SMYD3: variants seen among roughly 807,000 people sequenced by gnomAD.
SMYD3 encodes the protein SET and MYND domain containing 3.
A neutral mutation model predicts 57.7 loss-of-function variants in SMYD3; 36 were observed. The ratio of observed to expected loss-of-function variants is 0.62; its 90% CI spans 0.48 to 0.82. The LOEUF is 0.82. SMYD3 is among the 40% of genes least tolerant of loss of function. SMYD3 has a pLI of 0.00. For synonymous variants in SMYD3, 211 were observed against 195.0 expected (o/e 1.08, Z -0.68); for missense variants, 515 against 538.8 (o/e 0.96, Z 0.44).
chr1:246,187,167 T>C lies in SMYD3; in HGVS notation c.531+140034A>G, dbSNP rs1444642386. ...ACTTTGGTGCGGTGGCGCACGCCTA[T>C]ATTCCCAGCTACTCGGGAGGCTGAG... On this transcript the variant is annotated intron_variant, in intron 5 of 11. Transcript: ENST00000490107. 3.3e-5 allele frequency among the ~76,000 whole-genome samples: 5 copies of C among 152,014 alleles called. No homozygotes were observed. In the East Asian group the frequency reaches 7.7e-4, roughly 24 times the overall value.
chr1:245,868,710 C>A (rs2052015643), intron 8 of SMYD3, among the ~76,000 whole-genome samples: 1 of 152,182 alleles, frequency 6.6e-6, no homozygotes, highest in Non-Finnish European at 1.5e-5. Flanking sequence ...GACAAAGCTA[C>A]ACTCACTAAT....
rs892987428 is a variant in SMYD3, at chr1:246,111,807, T to C, written c.532-181870A>G. Among the ~76,000 whole-genome samples, 44 of 152,222 alleles carry C rather than the reference T, an allele frequency of 2.9e-4. 1 individual carries two copies. Among genetic ancestry groups the C allele is most frequent in the Non-Finnish European group, 2.1e-4 (14 of 68,030 alleles). On this transcript the variant is annotated intron_variant, in intron 5 of 11. Coordinates refer to ENST00000490107, the MANE Select transcript of SMYD3 (RefSeq NM_001167740.2). Reference sequence around the variant, plus strand: ...CTACTTCACCATGTGAGGTAAACGGTAGAGGCAGCAATAGGTCTGCTCAGT... The same window carrying C: ...CTACTTCACCATGTGAGGTAAACGGCAGAGGCAGCAATAGGTCTGCTCAGT...
At chr1:245,942,439 C>G (rs990039909) in intron 5 of SMYD3, among the ~76,000 whole-genome samples, 1 of 152,124 alleles carries the variant, frequency 6.6e-6, no homozygotes, top group African/African-American at 2.4e-5. Context: ...ACTATCCTAA[C>G]TATATATGCA....
chr1:245,877,634 C>T (rs553373839), intron 8 of SMYD3, among the ~76,000 whole-genome samples: 46 of 152,254 alleles, frequency 3.0e-4, no homozygotes, highest in Admixed American at 1.9e-3. Context: ...AAGATGATAA[C>T]CTGGGAGTAA....
At chr1:246,144,283 A>C (rs1345461925) in intron 5 of SMYD3, among the ~76,000 whole-genome samples, 1 of 152,210 alleles carries the variant, frequency 6.6e-6, no homozygotes, top group Non-Finnish European at 1.5e-5. Context: ...TAAAAATTCT[A>C]ACACAGCCCC....
At chr1:245,752,930 T>C (rs1431200568) in intron 11 of SMYD3, among the ~76,000 whole-genome samples, 2 of 152,162 alleles carry the variant, frequency 1.3e-5, no homozygotes, top group African/African-American at 4.8e-5. Context: ...AGTGTGTCCA[T>C]TCCATGACTG....
At chr1:246,009,300 T>A (rs775283312) in intron 5 of SMYD3, among the ~76,000 whole-genome samples, 1 of 152,202 alleles carries the variant, frequency 6.6e-6, no homozygotes, top group African/African-American at 2.4e-5. Context: ...ACGTGATTTG[T>A]CTAGGTTGTT....
chr1:246,191,634 A>T (rs1174409773), intron 5 of SMYD3, among the ~76,000 whole-genome samples: 1 of 152,172 alleles, frequency 6.6e-6, no homozygotes, highest in Non-Finnish European at 1.5e-5. Context: ...TGGGAACTGA[A>T]CTCTTGCCAT....
In SMYD3 at chr1:246,217,285, A is replaced by G. The variant is rs544979826; in HGVS notation, c.531+109916T>C. Among the ~76,000 whole-genome samples, 11 of 152,286 alleles carry G rather than the reference A, an allele frequency of 7.2e-5. No individual in the cohort carries two copies. The South Asian group carries it at 1.4e-3, about 20-fold the overall frequency. ...AATCCAGGCCTCAAAGAATTTCTAA[A>G]GAGTGTGAACTTACAGCTTAAAAAA... On this transcript the variant is annotated intron_variant, in intron 5 of 11. Transcript: ENST00000490107.
intron 10 of SMYD3, among the ~76,000 whole-genome samples, chr1:245,779,797 G>A (rs1374424726): frequency 6.6e-6 from 1 of 152,154 alleles, no homozygotes; most frequent in Non-Finnish European, 1.5e-5. Context: ...AAATGGTAAA[G>A]CACTTTGGAA....
chr1:246,460,018 C>A (rs2067772795), intron 1 of SMYD3, among the ~76,000 whole-genome samples: 1 of 150,590 alleles, frequency 6.6e-6, no homozygotes, highest in African/African-American at 2.4e-5. Context: ...TTTCTAGTTT[C>A]ATTCCCTTCC....
chr1:246,451,319 C>T (rs2067629108), intron 1 of SMYD3, among the ~76,000 whole-genome samples: 1 of 152,152 alleles, frequency 6.6e-6, no homozygotes, highest in Non-Finnish European at 1.5e-5. Flanking sequence ...AATAAATGAG[C>T]TATCAAGCTC....
chr1:246,418,393 T>C (rs1389626872), intron 1 of SMYD3, among the ~76,000 whole-genome samples: 1 of 152,116 alleles, frequency 6.6e-6, no homozygotes, highest in Non-Finnish European at 1.5e-5. Context: ...GATGGGCACG[T>C]TGTGGGGCTC....
At chr1:245,833,199 G>T (rs2049946589) in intron 10 of SMYD3, among the ~76,000 whole-genome samples, 1 of 152,086 alleles carries the variant, frequency 6.6e-6, no homozygotes, top group East Asian at 1.9e-4. Flanking sequence ...CCAGTCCTCT[G>T]TTGCTAACAT....
intron 10 of SMYD3, among the ~76,000 whole-genome samples, chr1:245,796,731 T>C (rs2047538314): frequency 6.6e-6 from 1 of 152,192 alleles, no homozygotes; most frequent in Non-Finnish European, 1.5e-5. Flanking sequence ...GAGCAGAGTG[T>C]CATCAAGACT....
intron 5 of SMYD3, among the ~76,000 whole-genome samples, chr1:246,269,536 TTTTTTTC>T (rs2064176558): frequency 7.7e-6 from 1 of 129,152 alleles, no homozygotes; most frequent in South Asian, 3.3e-4. Flanking sequence ...TCTGTTTCTT[TTTTTTTC>T]TTTTTTTTTT....
chr1:246,405,908 TC>T (rs2066856695), intron 1 of SMYD3, among the ~76,000 whole-genome samples: 2 of 64,512 alleles, frequency 3.1e-5, no homozygotes, highest in Non-Finnish European at 3.2e-5. Flanking sequence ...AGACTCTGTC[TC>T]AAAAAAAAAA....
At chr1:245,915,978 T>G (rs1424648225) in intron 7 of SMYD3, among the ~76,000 whole-genome samples, 4 of 152,138 alleles carry the variant, frequency 2.6e-5, no homozygotes, top group African/African-American at 9.7e-5. Context: ...TAATAAATTC[T>G]ATAACCATTA....
intron 1 of SMYD3, among the ~76,000 whole-genome samples, chr1:246,470,520 A>ATAT (rs1553353171): frequency 2.8e-5 from 4 of 141,782 alleles, no homozygotes; most frequent in Admixed American, 1.4e-4. Flanking sequence ...TAAAAAAAAA[A>ATAT]ATATATATAT....
Sources: gnomAD v4.1 joint callset for allele counts (sites outside exome capture counted in the v4.1 genomes callset) on GRCh38, gnomAD v4.1.1 for gene constraint, MANE v1.5 for transcripts, NCBI Gene and HGNC (gene_info 2026-07-23, HGNC 2026-07-21) for gene names.